Variants in FBXL13 observed in about 807,000 individuals in gnomAD.
FBXL13 encodes F-box and leucine rich repeat protein 13, also known as F-box and leucine-rich repeat protein 13.
A neutral mutation model predicts 83.6 loss-of-function variants in FBXL13; 67 were observed. The observed-to-expected ratio is 0.80, with a 90% CI of 0.66 to 0.98. The LOEUF (loss-of-function observed/expected upper bound fraction) is 0.98. FBXL13 is among the 50% of genes least tolerant of loss of function. The pLI, the probability that FBXL13 is intolerant of heterozygous loss-of-function variation, is 0.00. For synonymous variants in FBXL13, 272 were observed against 299.5 expected, an observed-to-expected ratio of 0.91 and a Z score of 0.95; for missense variants, 822 against 866.5, an observed-to-expected ratio of 0.95 and a Z score of 0.64.
chr7:103,001,611 T>C lies in FBXL13; in HGVS notation c.495+23452A>G, dbSNP rs566781183. On this transcript the variant is annotated intron_variant, in intron 6 of 19. Coordinates refer to ENST00000313221, the Ensembl canonical transcript of FBXL13. ...GGTCACATCCTATTGGCTGCCAGCA[T>C]AGCTAGAACAAAGCAGGCAGAAGGA... 2.3e-3 allele frequency among the ~76,000 whole-genome samples: 357 copies of C among 152,344 alleles called. 1 individual carries two copies. The highest frequency in any genetic ancestry group is 4.1e-3 in the Non-Finnish European group (276 of 68,034).
chr7:102,988,777 G>A (rs764437136), intron 6 of FBXL13: 1 of 152,168 alleles, frequency 6.6e-6, no homozygotes, highest in Non-Finnish European at 1.5e-5. Flanking sequence ...GGTGCTCAAG[G>A]GACACCCTAG....
intron 2 of FBXL13, among the ~76,000 whole-genome samples, chr7:103,032,518 G>A (rs747432615): frequency 6.6e-6 from 1 of 152,120 alleles, no homozygotes; most frequent in Non-Finnish European, 1.5e-5. Context: ...GCCTCCAAAT[G>A]TCTTACACGG....
chr7:102,861,325 C>A (rs1231518693), intron 16 of FBXL13, among the ~76,000 whole-genome samples: 7 of 152,030 alleles, frequency 4.6e-5, no homozygotes, highest in African/African-American at 1.7e-4. Flanking sequence ...AAGACATTGA[C>A]TTTTTTTAAG....
chr7:103,029,010 C>T (rs1158321639), intron 3 of FBXL13, among the ~76,000 whole-genome samples: 2 of 151,902 alleles, frequency 1.3e-5, no homozygotes, highest in African/African-American at 4.8e-5. Context: ...TTCCAATTTA[C>T]CAAAAGAACC....
intron 17 of FBXL13, among the ~76,000 whole-genome samples, chr7:102,834,084 A>G (rs62484942): frequency 0.25 from 24,317 of 97,644 alleles, 3,518 homozygotes; most frequent in African/African-American, 0.35. Flanking sequence ...AAGGAAGGAA[A>G]GAAAAGAAAG....
intron 11 of FBXL13, among the ~76,000 whole-genome samples, chr7:102,896,639 G>A (rs1351437409): frequency 6.6e-6 from 1 of 152,278 alleles, no homozygotes; most frequent in South Asian, 2.1e-4. Flanking sequence ...GGAAGGATTT[G>A]TCCCAGGCCC....
chr7:102,863,513 T>TGGG (rs11316569), intron 16 of FBXL13, among the ~76,000 whole-genome samples: 1 of 142,732 alleles, frequency 7.0e-6, no homozygotes, highest in African/African-American at 2.5e-5. Context: ...GGGATAAAAT[T>TGGG]GGGGGGGGGG....
chr7:103,004,423 G>A (rs1790756873), intron 6 of FBXL13, among the ~76,000 whole-genome samples: 1 of 152,186 alleles, frequency 6.6e-6, no homozygotes, highest in African/African-American at 2.4e-5. Flanking sequence ...CCCATGGAGT[G>A]TGCCTCTTAC....
chr7:102,854,069 C>CA (rs569019335), intron 17 of FBXL13, among the ~76,000 whole-genome samples: 291 of 152,186 alleles, frequency 1.9e-3, no homozygotes, highest in African/African-American at 6.8e-3. Flanking sequence ...GACACATGCA[C>CA]ATGTATGTTT....
At chr7:102,873,050 A>G (rs1004312440) in intron 16 of FBXL13, among the ~76,000 whole-genome samples, 1 of 152,190 alleles carries the variant, frequency 6.6e-6, no homozygotes, top group Non-Finnish European at 1.5e-5. Flanking sequence ...CATTTAAGTT[A>G]GCTCTCTCCA....
intron 8 of FBXL13, among the ~76,000 whole-genome samples, chr7:102,953,155 A>T (rs1354262716): frequency 6.6e-6 from 1 of 152,212 alleles, no homozygotes; most frequent in Non-Finnish European, 1.5e-5. Context: ...ACCTCATTCG[A>T]TGAAGCCAAT....
At chr7:102,867,043 C>T (rs982223561) in intron 16 of FBXL13, among the ~76,000 whole-genome samples, 3 of 152,116 alleles carry the variant, frequency 2.0e-5, no homozygotes, top group Non-Finnish European at 4.4e-5. Flanking sequence ...GGAAAGCTTC[C>T]CCACAGCTGA....
intron 8 of FBXL13, among the ~76,000 whole-genome samples, chr7:102,953,274 C>T (rs1196102215): frequency 6.6e-6 from 1 of 151,988 alleles, no homozygotes. Flanking sequence ...CAAAGAGAAT[C>T]CAGCACCATA....
At chr7:102,884,151 A>C in intron 12 of FBXL13, 63 bp downstream of exon 13, 1 of 1,126,762 alleles carries the variant, frequency 8.9e-7, no homozygotes, top group Middle Eastern at 2.0e-4. Flanking sequence ...CAGTAATTCA[A>C]GCCATTAGAA....
At chr7:103,037,032 A>G (rs1298189684) in intron 2 of FBXL13, among the ~76,000 whole-genome samples, 1 of 152,224 alleles carries the variant, frequency 6.6e-6, no homozygotes, top group Non-Finnish European at 1.5e-5. Context: ...ATTCCTTAGA[A>G]CACCTAAAAT....
At chr7:102,983,616 C>T (rs1828560332) in intron 6 of FBXL13, among the ~76,000 whole-genome samples, 3 of 151,888 alleles carry the variant, frequency 2.0e-5, no homozygotes, top group Admixed American at 2.0e-4. Context: ...GACGGGGTTT[C>T]ACCATGTCGG....
rs140263983 is a variant in FBXL13 at position 102,911,331 on chromosome 7, T to G, written c.1008+1755A>C. ...TGCCTCATGGTAACTGAGAAATTGA[T>G]AAGAAGAAGGAGGTAAGTCATACCA... is the stretch of plus-strand genomic sequence containing the variant. On this transcript the variant is annotated intron_variant, in intron 11 of 19. Transcript: ENST00000313221. 3.7e-3 allele frequency among the ~76,000 whole-genome samples: 568 copies of G among 152,302 alleles called. 5 individuals carry two copies. Among genetic ancestry groups the G allele is most frequent in the African/African-American group, 0.013 (561 of 41,566 alleles).
In FBXL13 at chr7:103,046,028, T is replaced by C. The variant is rs141031194; in HGVS notation, c.-1+9616A>G. 4.8e-3 allele frequency among the ~76,000 whole-genome samples: 727 copies of C among 152,332 alleles called. 5 individuals carry two copies. The highest frequency in any genetic ancestry group is 0.017 in the African/African-American group (687 of 41,580). On this transcript the variant is annotated intron_variant, in intron 2 of 19. Transcript: ENST00000313221. ...ATACAGTGCACCAGGGAGACTATTA[T>C]TATGACTCTCAGGAGGATAATACCA...
In FBXL13 at chr7:102,985,821, C is replaced by A. The variant is rs190654939; in HGVS notation, c.496-17704G>T. On this transcript the variant is annotated intron_variant, in intron 6 of 19. Transcript: ENST00000313221. ...GGGAAAAACAACATTTAGATTCAAA[C>A]AAACCCAATCTCAAATGCTAATTTC... is the stretch of plus-strand genomic sequence containing the variant. 3.0e-3 allele frequency among the ~76,000 whole-genome samples: 451 copies of A among 152,272 alleles called. 9 individuals carry two copies. Among genetic ancestry groups the A allele is most frequent in the Admixed American group, 0.029 (438 of 15,296 alleles).
Sources: gnomAD v4.1 joint callset for allele counts (sites outside exome capture counted in the v4.1 genomes callset) on GRCh38, gnomAD v4.1.1 for gene constraint, MANE v1.5 for transcripts, NCBI Gene and HGNC (gene_info 2026-07-23, HGNC 2026-07-21) for gene names.